The following SEC23A variants were observed in gnomAD, a reference collection of about 807,000 sequenced individuals.
The protein encoded by SEC23A is protein transport protein Sec23A.
In SEC23A, 56 loss-of-function variants were observed where a neutral mutation model predicts 103.7. The observed-to-expected ratio is 0.54, with a 90% CI of 0.44 to 0.67. The LOEUF (loss-of-function observed/expected upper bound fraction) is 0.67, where lower values mean the gene tolerates loss of function less well. SEC23A is among the 30% of genes least tolerant of loss of function. SEC23A has a pLI of 0.00. For synonymous variants in SEC23A, 281 were observed against 293.0 expected, an observed-to-expected ratio of 0.96 and a Z score of 0.42; for missense variants, 784 against 936.4, an observed-to-expected ratio of 0.84 and a Z score of 2.12.
chr14:39,046,631 T>C (rs1013095648), intron 15 of SEC23A, among the ~76,000 whole-genome samples: 9 of 152,178 alleles, frequency 5.9e-5, no homozygotes, highest in Admixed American at 5.2e-4. Flanking sequence ...TATACCCATA[T>C]AATTTCTTAA....
chr14:39,064,324 C>A (rs939261228), intron 11 of SEC23A, among the ~76,000 whole-genome samples: 1 of 152,116 alleles, frequency 6.6e-6, no homozygotes, highest in Non-Finnish European at 1.5e-5. Context: ...TTTTAGAGTA[C>A]GTTATACTTC....
chr14:39,040,750 A>C lies in SEC23A; in HGVS notation c.2124T>G (p.Thr708=). 6.2e-7 allele frequency: 1 copy of C among 1,614,216 alleles called. No homozygotes were observed. Among genetic ancestry groups the C allele is most frequent in the Non-Finnish European group, 8.5e-7 (1 of 1,180,044 alleles). ...SRFPMPRYID[T]EHGGSQARFL... ...TACTTACCTGGCTGCCTCCATGTTC[A>C]GTGTCAATGTATCTTGGCATTGGAA... Residue 708 remains threonine, a synonymous_variant, in exon 18 of 20, where the codon ACT becomes ACG. Coordinates refer to ENST00000307712, the MANE Select transcript of SEC23A (RefSeq NM_006364.4).
intron 9 of SEC23A, among the ~76,000 whole-genome samples, chr14:39,073,800 G>A (rs1423528610): frequency 6.6e-6 from 1 of 151,802 alleles, no homozygotes; most frequent in Non-Finnish European, 1.5e-5. Flanking sequence ...AGTAGAGACA[G>A]GGTTTCACCA....
chr14:39,054,528 C>T (rs1360702783), intron 14 of SEC23A, among the ~76,000 whole-genome samples: 9 of 152,108 alleles, frequency 5.9e-5, no homozygotes, highest in African/African-American at 2.2e-4. Flanking sequence ...TGGAATGCAG[C>T]AGCACAATCA....
intron 10 of SEC23A, among the ~76,000 whole-genome samples, chr14:39,065,844 C>T (rs952513358): frequency 3.3e-5 from 5 of 151,710 alleles, no homozygotes; most frequent in African/African-American, 1.2e-4. Flanking sequence ...ACTAAAAACA[C>T]AAAATTAGCT....
intron 15 of SEC23A, 147 bp downstream of exon 15, chr14:39,048,505 T>C: frequency 6.4e-6 from 4 of 622,470 alleles, no homozygotes; most frequent in Non-Finnish European, 5.7e-6. Flanking sequence ...TCCTAACTAC[T>C]CAGGAGGCTG....
intron 10 of SEC23A, among the ~76,000 whole-genome samples, chr14:39,065,690 C>G (rs1196132765): frequency 6.6e-6 from 1 of 152,036 alleles, no homozygotes; most frequent in Admixed American, 6.6e-5. Flanking sequence ...ATGCAATATC[C>G]TCTAACATCT....
At chr14:39,067,431 AT>A in intron 9 of SEC23A, 135 bp from the exon 10 acceptor site, 1 of 882,090 alleles carries the variant, frequency 1.1e-6, no homozygotes, top group Non-Finnish European at 1.7e-6. Flanking sequence ...TGTATTACTA[AT>A]TTTTAATATT....
chr14:39,093,929 C>T (rs79372969), intron 2 of SEC23A, among the ~76,000 whole-genome samples: 2,221 of 151,942 alleles, frequency 0.015, 47 homozygotes, highest in African/African-American at 0.041. Flanking sequence ...CTATTTTAGG[C>T]GCTGGTGATA....
chr14:39,052,744 A>G (rs1886110203), intron 14 of SEC23A, among the ~76,000 whole-genome samples: 1 of 152,252 alleles, frequency 6.6e-6, no homozygotes. Flanking sequence ...GCTATTTCAG[A>G]GTACAACTTA....
At chr14:39,035,497 A>G (rs566904801) in intron 19 of SEC23A, among the ~76,000 whole-genome samples, 28 of 152,328 alleles carry the variant, frequency 1.8e-4, no homozygotes, top group Admixed American at 1.3e-3. Flanking sequence ...ATTAAACTCT[A>G]TAGACAAGGA....
At chr14:39,054,123 A>C (rs1320653361) in intron 14 of SEC23A, among the ~76,000 whole-genome samples, 2 of 152,118 alleles carry the variant, frequency 1.3e-5, no homozygotes, top group East Asian at 3.9e-4. Flanking sequence ...AAAAAATTTT[A>C]AATTTGCCAG....
intron 2 of SEC23A, 129 bp from the exon 3 acceptor site, chr14:39,093,373 T>A (rs970495007): frequency 1.3e-5 from 9 of 715,740 alleles, no homozygotes; most frequent in Admixed American, 2.5e-5. Flanking sequence ...AAAGTAACTT[T>A]TAAAAGCCAT....
intron 7 of SEC23A, 81 bp from the exon 8 acceptor site, chr14:39,076,174 A>G (rs1887010952): frequency 4.0e-6 from 4 of 1,006,192 alleles, no homozygotes; most frequent in Non-Finnish European, 5.9e-6. Context: ...TATTCCTTCT[A>G]AATAAGAGAA....
chr14:39,066,411 G>C (rs1485625082), intron 10 of SEC23A, among the ~76,000 whole-genome samples: 2 of 150,922 alleles, frequency 1.3e-5, no homozygotes, highest in Non-Finnish European at 2.9e-5. Flanking sequence ...ATAAATGATA[G>C]AATTATGCAA....
At chr14:39,068,995 T>C (rs1224411919) in intron 9 of SEC23A, among the ~76,000 whole-genome samples, 1 of 152,202 alleles carries the variant, frequency 6.6e-6, no homozygotes, top group African/African-American at 2.4e-5. Context: ...TTAATACCAA[T>C]AGTTTATAAA....
Position 39,033,179 on chromosome 14 carries a change from G to C in SEC23A, c.*60C>G, listed in dbSNP as rs1885354814. On this transcript the variant is annotated 3_prime_UTR_variant, in exon 20 of 20. Coordinates refer to ENST00000307712, the MANE Select transcript of SEC23A (RefSeq NM_006364.4). The stretch of plus-strand genomic sequence containing the variant: ...GGTTTCCACAGATAAATGGAAAAAG[G>C]AAAAAATGAAATTTGAATATTATTT... The C allele has an allele frequency of 2.3e-6, 3 of 1,310,728 alleles. No individual in the cohort carries two copies. Among genetic ancestry groups the C allele is most frequent in the Non-Finnish European group, 2.2e-6 (2 of 904,132 alleles). 81.2% of individuals were successfully genotyped at this position (1,310,728 alleles called of 1,614,324 possible).
chr14:39,090,727 C>T (rs1887632380), intron 5 of SEC23A, among the ~76,000 whole-genome samples: 1 of 152,190 alleles, frequency 6.6e-6, no homozygotes, highest in Admixed American at 6.5e-5. Flanking sequence ...AGCACCATGT[C>T]AGGCAGCACC....
intron 10 of SEC23A, among the ~76,000 whole-genome samples, chr14:39,065,461 C>T (rs1165044846): frequency 6.6e-6 from 1 of 151,994 alleles, no homozygotes; most frequent in South Asian, 2.1e-4. Context: ...GATTCTTTTT[C>T]CTGACATATG....
Sources: allele counts gnomAD v4.1 joint callset (sites outside exome capture counted in the v4.1 genomes callset), GRCh38; gene constraint gnomAD v4.1.1; transcripts MANE v1.5; gene names NCBI Gene and HGNC (gene_info 2026-07-23, HGNC 2026-07-21).